Variants in SVIL observed in about 807,000 individuals in gnomAD.
SVIL encodes the protein archvillin.
Under a neutral mutation model 240.4 loss-of-function variants are expected in SVIL, and 101 were observed. The observed-to-expected ratio is 0.42, with a 90% confidence interval of 0.36 to 0.50. SVIL has a LOEUF of 0.50. Ranked by LOEUF, SVIL falls within the 20% of genes least tolerant of loss-of-function variation. The pLI is 0.01. For synonymous variants in SVIL, 999 were observed against 1,100.0 expected, an observed-to-expected ratio of 0.91 and a Z score of 1.82; for missense variants, 2,512 against 2,818.7, an observed-to-expected ratio of 0.89 and a Z score of 2.46.
In SVIL at chr10:29,484,235, G is replaced by A. The variant is rs189507516; in HGVS notation, c.4955+421C>T. ...CAAATAAATCCTGAAATTCGAGGGC[G>A]ATGCTGGGAAGGTATGAAATTAGAG... On this transcript the variant is annotated intron_variant, in intron 27 of 37. Coordinates refer to ENST00000355867, the MANE Select transcript of SVIL (RefSeq NM_021738.3). This position sits in a 1 kb window ranked among gnomAD's most constrained non-coding sequence, Gnocchi z 4.7. Among the ~76,000 whole-genome samples the A allele has an allele frequency of 1.1e-3, 175 of 152,276 alleles. No homozygotes were observed. Among genetic ancestry groups the A allele is most frequent in the Middle Eastern group, 3.4e-3 (1 of 294 alleles).
chr10:29,549,508 C>A lies in SVIL; in HGVS notation c.827+1089G>T, dbSNP rs561975804. On this transcript the variant is annotated intron_variant, in intron 6 of 37. Transcript: ENST00000355867. ...AACTAGAAATACCATTTGACCCAGC[C>A]ATCCCATTACTGGGTATATACCCAA... Among the ~76,000 whole-genome samples, 243 of 136,642 alleles carry A rather than the reference C, an allele frequency of 1.8e-3. 7 individuals carry two copies. The South Asian group carries it at 0.018, about 10-fold the overall frequency. The allele number at this position is 136,642 out of a possible 152,430, so 89.6% of individuals were successfully genotyped here.
rs147809341 is a variant in SVIL at position 29,523,960 on chromosome 10, G to A, written c.2654C>T (p.Thr885Met). 768 of 1,614,162 alleles carry A rather than the reference G, an allele frequency of 4.8e-4. 10 individuals are homozygous for A. In the East Asian group the frequency reaches 0.015, roughly 31 times the overall value. The change falls in exon 15 of 38, where the codon ACG (threonine) becomes ATG (methionine). Residue 885 changes from threonine to methionine, a missense_variant. By Grantham distance (81) the Thr-to-Met change is moderately conservative. This residue lies in a region of SVIL where 1,443 missense variants were observed against 1,486.6 expected (regional missense o/e 0.97). Coordinates refer to ENST00000355867, the MANE Select transcript of SVIL (RefSeq NM_021738.3). The part of the protein sequence containing the change: ...VNTSVSTVAS[T>M]VAPMYAGDLR... The stretch of plus-strand genomic sequence containing the variant: ...ATCTCCGGCATACATTGGAGCAACC[G>A]TGGATGCTACGGTAGACACTGATGT...
intron 17 of SVIL, among the ~76,000 whole-genome samples, chr10:29,505,328 A>T (rs1045595148): frequency 1.6e-4 from 24 of 151,790 alleles, no homozygotes; most frequent in East Asian, 3.8e-4. Context: ...TCCATCTCAA[A>T]AATAATAATA....
Position 29,536,003 on chromosome 10 carries a change from G to A in SVIL, c.894C>T (p.Ile298=). 1 of 1,614,212 alleles carries A rather than the reference G, an allele frequency of 6.2e-7. No homozygotes were observed. Residue 298 remains isoleucine (I), a synonymous_variant, in exon 7 of 38, where the codon ATC becomes ATT. Transcript: ENST00000355867. The part of the protein sequence containing the change: ...KDSEGDTPSL[I]NWPSRVKVRE... ...CGTGCGGGTACCTGGAAGGCCAGTT[G>A]ATAAGTGAAGGTGTGTCCCCTTCGG...
At chr10:29,666,108 G>A (rs1959267185) in intron 2 of SVIL, among the ~76,000 whole-genome samples, 1 of 152,124 alleles carries the variant, frequency 6.6e-6, no homozygotes, top group Non-Finnish European at 1.5e-5. Context: ...TATAAAGACA[G>A]GGTTTCACTA....
intron 1 of SVIL, among the ~76,000 whole-genome samples, chr10:29,620,411 T>C (rs1957588067): frequency 6.6e-6 from 1 of 152,152 alleles, no homozygotes; most frequent in Admixed American, 6.6e-5. Flanking sequence ...ACTCCCCTTA[T>C]AGTGTCCCTA....
At chr10:29,625,565 G>C (rs768036170) in intron 1 of SVIL, among the ~76,000 whole-genome samples, 1 of 152,174 alleles carries the variant, frequency 6.6e-6, no homozygotes, top group South Asian at 2.1e-4. Flanking sequence ...CTGGGTTCAC[G>C]CCATTCTCCT....
At chr10:29,708,175 G>A (rs1226222675) in intron 1 of SVIL, among the ~76,000 whole-genome samples, 5 of 143,902 alleles carry the variant, frequency 3.5e-5, no homozygotes, top group East Asian at 4.2e-4. Context: ...GGAGAATGGC[G>A]TGAACCTGGG....
intron 1 of SVIL, among the ~76,000 whole-genome samples, chr10:29,593,499 T>C (rs1956468811): frequency 6.6e-6 from 1 of 152,154 alleles, no homozygotes; most frequent in Admixed American, 6.6e-5. Context: ...CAGACTCAAG[T>C]CCTTAGAAGC....
At chr10:29,532,241 G>T in intron 8 of SVIL, 69 bp from the exon 9 acceptor site, 1 of 1,544,798 alleles carries the variant, frequency 6.5e-7, no homozygotes. Flanking sequence ...GATGGCAAAG[G>T]ATTATGCATC....
At chr10:29,602,640 A>G (rs1029288574) in intron 1 of SVIL, among the ~76,000 whole-genome samples, 16 of 152,250 alleles carry the variant, frequency 1.1e-4, no homozygotes, top group African/African-American at 3.9e-4. Flanking sequence ...TATAATGTTT[A>G]AAGATGCAAA....
intron 1 of SVIL, among the ~76,000 whole-genome samples, chr10:29,609,702 C>A (rs1957166990): frequency 6.6e-6 from 1 of 152,264 alleles, no homozygotes; most frequent in African/African-American, 2.4e-5. Context: ...TGTGGCACAT[C>A]TGGTCCAGCC....
intron 1 of SVIL, among the ~76,000 whole-genome samples, chr10:29,705,887 C>A (rs1589550237): frequency 6.6e-6 from 1 of 152,154 alleles, no homozygotes; most frequent in Non-Finnish European, 1.5e-5. Flanking sequence ...CAGGCTATCA[C>A]TGATGGGCAT....
chr10:29,529,177 A>G (rs1461050298), intron 12 of SVIL, among the ~76,000 whole-genome samples: 107 of 51,442 alleles, frequency 2.1e-3, no homozygotes, highest in African/African-American at 9.9e-3. Flanking sequence ...CTCTCTCTCA[A>G]AAAAAAAAAA....
chr10:29,730,791 T>C (rs80231207), intron 1 of SVIL, among the ~76,000 whole-genome samples: 7,181 of 152,276 alleles, frequency 0.047, 529 homozygotes, highest in African/African-American at 0.16. Flanking sequence ...CAAGCAATTA[T>C]GGCTTATTTT....
intron 16 of SVIL, among the ~76,000 whole-genome samples, chr10:29,517,640 G>A (rs1475806647): frequency 1.3e-5 from 2 of 152,126 alleles, no homozygotes; most frequent in Non-Finnish European, 2.9e-5. Context: ...GCCGGCAGGC[G>A]GGAAACACAG....
chr10:29,548,679 A>G (rs1952923621), intron 6 of SVIL, among the ~76,000 whole-genome samples: 1 of 152,142 alleles, frequency 6.6e-6, no homozygotes. Flanking sequence ...TTCTAGTTCT[A>G]TTTCGTGTAT....
intron 6 of SVIL, among the ~76,000 whole-genome samples, chr10:29,545,853 C>CAAAAAAAAAAAAAAAAAAA (rs755360700): frequency 1.3e-4 from 8 of 63,570 alleles, no homozygotes; most frequent in African/African-American, 2.1e-4. Flanking sequence ...GACTCTGTCT[C>CAAAAAAAAAAAAAAAAAAA]AAAAAAAAAA....
In SVIL at chr10:29,606,519, C is replaced by A. The variant is rs113222167; in HGVS notation, c.-201+27901G>T. Among the ~76,000 whole-genome samples, 409 of 152,156 alleles carry A rather than the reference C, an allele frequency of 2.7e-3. 10 individuals are homozygous for A. In the South Asian group the frequency reaches 0.052, roughly 19 times the overall value. On this transcript the variant is annotated intron_variant, in intron 1 of 37. Transcript: ENST00000355867. ...TCAACAAAATTATTTTAAAGTACAC[C>A]CAAAATATCAACTCATTTTACCTCT...
Sources: gnomAD v4.1 joint callset for allele counts (sites outside exome capture counted in the v4.1 genomes callset) on GRCh38, gnomAD v4.1.1 for gene constraint, gnomAD v4.1.1 regional missense constraint, Gnocchi (gnomAD v3.1) non-coding constraint, MANE v1.5 for transcripts, NCBI Gene and HGNC (gene_info 2026-07-23, HGNC 2026-07-21) for gene names.